Variants in DGKB observed in about 807,000 individuals in gnomAD.
DGKB encodes the protein 90 kDa diacylglycerol kinase.
Under a neutral mutation model 114.3 loss-of-function variants are expected in DGKB, and 67 were observed. The observed-to-expected ratio is 0.59, with a 90% CI of 0.48 to 0.72. The LOEUF (loss-of-function observed/expected upper bound fraction) is 0.72. Among genes scored for constraint, DGKB ranks in the 30% least tolerant of loss-of-function variants. The pLI, the probability that DGKB is intolerant of heterozygous loss-of-function variation, is 0.00. For missense variants in DGKB, 907 were observed against 975.2 expected (o/e 0.93, Z 0.93); for synonymous variants, 398 against 323.1 (o/e 1.23, Z -2.49).
At chr7:14,843,873 C>T (rs1052057566) in intron 1 of DGKB, among the ~76,000 whole-genome samples, 1 of 131,572 alleles carries the variant, frequency 7.6e-6, no homozygotes, top group Non-Finnish European at 1.6e-5. Context: ...TACAGTTACA[C>T]GAAAGGCAGT....
chr7:14,910,778 A>C (rs1024664184), intron 1 of DGKB, among the ~76,000 whole-genome samples: 2 of 152,160 alleles, frequency 1.3e-5, no homozygotes, highest in African/African-American at 4.8e-5. Flanking sequence ...AAAGAGACAA[A>C]TATTATTTAA....
At chr7:14,725,400 G>C (rs999299324) in intron 5 of DGKB, among the ~76,000 whole-genome samples, 1 of 151,716 alleles carries the variant, frequency 6.6e-6, no homozygotes, top group African/African-American at 2.4e-5. Context: ...TATAAGTATG[G>C]GACAAAAATA....
At chr7:14,647,102 T>C (rs1029493769) in intron 13 of DGKB, among the ~76,000 whole-genome samples, 1 of 151,606 alleles carries the variant, frequency 6.6e-6, no homozygotes, top group African/African-American at 2.4e-5. Context: ...CCTCAATAAA[T>C]AAAACCAGAA....
intron 1 of DGKB, among the ~76,000 whole-genome samples, chr7:14,881,946 A>G (rs1018492847): frequency 3.3e-5 from 5 of 152,020 alleles, no homozygotes; most frequent in Non-Finnish European, 7.4e-5. Flanking sequence ...TAAATCTCAC[A>G]TCTCTTAATT....
At chr7:14,487,200 G>A (rs1404540015) in intron 20 of DGKB, among the ~76,000 whole-genome samples, 1 of 152,128 alleles carries the variant, frequency 6.6e-6, no homozygotes, top group Non-Finnish European at 1.5e-5. Context: ...ACATTAGACT[G>A]TTAACATTCT....
At chr7:14,323,253 G>C (rs963713966) in intron 23 of DGKB, among the ~76,000 whole-genome samples, 1 of 152,094 alleles carries the variant, frequency 6.6e-6, no homozygotes, top group Non-Finnish European at 1.5e-5. Flanking sequence ...ATTTATTCAT[G>C]GTGAAAAAGG....
chr7:14,509,787 C>T (rs750439499), intron 20 of DGKB, among the ~76,000 whole-genome samples: 35 of 152,194 alleles, frequency 2.3e-4, no homozygotes, highest in Admixed American at 1.4e-3. Flanking sequence ...CCGCCAGACT[C>T]GGGGTACCTG....
rs535226239 is a variant in DGKB at position 14,890,661 on chromosome 7, CG to C, written c.-188+11930del. Among the ~76,000 whole-genome samples the C allele has an allele frequency of 5.2e-3, 787 of 151,310 alleles. 6 individuals are homozygous for C. Among genetic ancestry groups the C allele is most frequent in the Non-Finnish European group, 8.2e-3 (554 of 67,504 alleles). On this transcript the variant is annotated intron_variant, in intron 1 of 25. Coordinates refer to ENST00000402815, the MANE Select transcript of DGKB (RefSeq NM_001350709.2). ...GCATATTATCCTTTAAATGAGACTCCGAGAAAATGACATAGCACTGGGGAAA... is the reference window on the plus strand; with the variant it reads ...GCATATTATCCTTTAAATGAGACTCCAGAAAATGACATAGCACTGGGGAAA...
intron 5 of DGKB, among the ~76,000 whole-genome samples, chr7:14,729,224 G>A (rs537711003): frequency 8.9e-5 from 13 of 145,372 alleles, no homozygotes; most frequent in African/African-American, 3.4e-4. Flanking sequence ...CTGGGTTCAC[G>A]CCATTCTCCC....
At chr7:14,287,725 A>G (rs1801100227) in intron 23 of DGKB, among the ~76,000 whole-genome samples, 1 of 152,202 alleles carries the variant, frequency 6.6e-6, no homozygotes, top group South Asian at 2.1e-4. Context: ...GATGGAAAAT[A>G]GAAAAGTATC....
intron 3 of DGKB, among the ~76,000 whole-genome samples, chr7:14,754,943 G>A (rs1033088332): frequency 3.9e-5 from 6 of 152,064 alleles, no homozygotes; most frequent in Non-Finnish European, 8.8e-5. Flanking sequence ...AAGAGCACAG[G>A]GCATTAGCCT....
At chr7:14,873,111 A>C (rs1852730587) in intron 1 of DGKB, among the ~76,000 whole-genome samples, 1 of 152,110 alleles carries the variant, frequency 6.6e-6, no homozygotes, top group Non-Finnish European at 1.5e-5. Flanking sequence ...TTTTGTTATC[A>C]AAAGGCATCC....
intron 21 of DGKB, among the ~76,000 whole-genome samples, chr7:14,440,474 C>T (rs1236275163): frequency 5.3e-5 from 8 of 151,964 alleles, no homozygotes; most frequent in Admixed American, 6.6e-5. Context: ...ATTCTTTCGG[C>T]CTTCAATAAA....
Position 14,430,654 on chromosome 7 carries a change from A to G in DGKB, c.1835+47507T>C, listed in dbSNP as rs79598359. Reference sequence around the variant, plus strand: ...GCCAATAAAGTTTCATTTTAGATGAATACAATATAAATTGATTTATTAGTT... The same window carrying G: ...GCCAATAAAGTTTCATTTTAGATGAGTACAATATAAATTGATTTATTAGTT... On this transcript the variant is annotated intron_variant, in intron 21 of 25. Transcript: ENST00000402815. Among the ~76,000 whole-genome samples, 1,036 of 152,296 alleles carry G rather than the reference A, an allele frequency of 6.8e-3. 94 individuals carry two copies. In the East Asian group the frequency reaches 0.18, roughly 26 times the overall value.
chr7:14,950,878 A>G (rs143494588), intron 1 of DGKB, among the ~76,000 whole-genome samples: 1 of 151,998 alleles, frequency 6.6e-6, no homozygotes, highest in Non-Finnish European at 1.5e-5. Context: ...AGTAAAACAG[A>G]AAGTTGATTA....
intron 4 of DGKB, among the ~76,000 whole-genome samples, chr7:14,737,359 T>C (rs1011676881): frequency 4.0e-5 from 6 of 148,894 alleles, no homozygotes; most frequent in African/African-American, 1.5e-4. Flanking sequence ...GGCTGGCTGA[T>C]GCTCTTAGTT....
intron 23 of DGKB, among the ~76,000 whole-genome samples, chr7:14,229,621 C>G (rs1791399580): frequency 6.6e-6 from 1 of 151,848 alleles, no homozygotes; most frequent in African/African-American, 2.4e-5. Context: ...ATTTATACCA[C>G]TATAGAAATG....
chr7:14,726,458 A>G (rs955975333), intron 5 of DGKB, among the ~76,000 whole-genome samples: 3 of 152,172 alleles, frequency 2.0e-5, no homozygotes, highest in Non-Finnish European at 4.4e-5. Context: ...TACTCTAAGC[A>G]TGATTCTGTG....
At chr7:14,151,419 G>C (rs571746213) in intron 25 of DGKB, among the ~76,000 whole-genome samples, 3 of 148,722 alleles carry the variant, frequency 2.0e-5, no homozygotes, top group African/African-American at 7.4e-5. Flanking sequence ...TTTTTTTGGC[G>C]GGGGCATATA....
Sources: gnomAD v4.1 joint callset for allele counts (sites outside exome capture counted in the v4.1 genomes callset) on GRCh38, gnomAD v4.1.1 for gene constraint, MANE v1.5 for transcripts, NCBI Gene and HGNC (gene_info 2026-07-23, HGNC 2026-07-21) for gene names.